Variants in POU2F1 observed in about 807,000 individuals in gnomAD.
POU2F1 encodes POU domain, class 2, transcription factor 1.
POU2F1 carries 16 observed loss-of-function variants against 84.9 expected under a neutral mutation model. That is an observed-to-expected ratio of 0.19 (90% CI 0.13 to 0.29). POU2F1 has a LOEUF of 0.29. POU2F1 is among the 10% of genes least tolerant of loss of function. POU2F1 has a pLI of 1.00. For synonymous variants in POU2F1, 368 were observed against 368.3 expected (o/e 1.00, Z 0.01); for missense variants, 738 against 942.6 (o/e 0.78, Z 2.84).
At chr1:167,304,385 A>G (rs1170638228) in intron 1 of POU2F1, among the ~76,000 whole-genome samples, 2 of 152,208 alleles carry the variant, frequency 1.3e-5, no homozygotes, top group Non-Finnish European at 1.5e-5. Context: ...TCAGAAAGGC[A>G]GTCATATAGC....
chr1:167,356,040 C>T lies in POU2F1; in HGVS notation c.128-9427C>T, dbSNP rs141954290. ...ATGGCTCACTGCAGCCTCGACTTCC[C>T]TCAGATCAGGTGATCCTCCCACCTC... On this transcript the variant is annotated intron_variant, in intron 2 of 15. Transcript: ENST00000367866. Among the ~76,000 whole-genome samples the T allele has an allele frequency of 1.8e-3, 270 of 152,060 alleles. 6 individuals are homozygous for T. The highest frequency in any genetic ancestry group is 0.014 in the Admixed American group (218 of 15,288).
chr1:167,415,397 G>T, intron 15 of POU2F1, 103 bp from the exon 16 acceptor site: 3 of 1,286,550 alleles, frequency 2.3e-6, no homozygotes, highest in Middle Eastern at 1.9e-4. Context: ...CTTTTTCCTG[G>T]TGGGTTGTAG....
chr1:167,237,867 C>T (rs1456884450), intron 1 of POU2F1, among the ~76,000 whole-genome samples: 2 of 146,718 alleles, frequency 1.4e-5, no homozygotes, highest in South Asian at 2.2e-4. Flanking sequence ...TCAGCTTCCA[C>T]CTCCAGGGTT....
At chr1:167,235,774 G>A (rs529068404) in intron 1 of POU2F1, among the ~76,000 whole-genome samples, 4 of 152,070 alleles carry the variant, frequency 2.6e-5, no homozygotes, top group African/African-American at 7.2e-5. Flanking sequence ...CATATTCTTT[G>A]CAGTAACTTG....
At chr1:167,384,745 C>T (rs1647832349) in intron 8 of POU2F1, among the ~76,000 whole-genome samples, 1 of 151,660 alleles carries the variant, frequency 6.6e-6, no homozygotes, top group Middle Eastern at 3.4e-3. Flanking sequence ...AAAAAACCAA[C>T]ATCATACTTC....
intron 2 of POU2F1, among the ~76,000 whole-genome samples, chr1:167,343,316 A>G (rs1307657667): frequency 1.3e-5 from 2 of 152,208 alleles, no homozygotes; most frequent in Non-Finnish European, 2.9e-5. Flanking sequence ...TAAAGGTAGT[A>G]TCCATTTTTG....
chr1:167,333,442 G>T (rs1313194818), intron 2 of POU2F1, among the ~76,000 whole-genome samples: 1 of 152,130 alleles, frequency 6.6e-6, no homozygotes. Flanking sequence ...TGCAGAGAGG[G>T]ATCCCTTTTG....
rs558782490 is a variant in POU2F1, at chr1:167,396,597, G to A, written c.1129+170G>A. On this transcript the variant is annotated intron_variant, in intron 10 of 15. Transcript: ENST00000367866. Reference sequence around the variant, plus strand: ...TTATGGTGATATAAATCAGAAAGCTGATTCATTTAAATATTCTAGTAATTA... The same window carrying A: ...TTATGGTGATATAAATCAGAAAGCTAATTCATTTAAATATTCTAGTAATTA... 4.5e-6 allele frequency: 3 copies of A among 659,642 alleles called. No homozygotes were observed. In the East Asian group the frequency reaches 8.5e-5, roughly 19 times the overall value. 40.9% of individuals were successfully genotyped at this position (659,642 alleles called of 1,614,324 possible).
At chr1:167,370,306 T>C in intron 4 of POU2F1, 92 bp downstream of exon 4, 1 of 999,384 alleles carries the variant, frequency 1.0e-6, no homozygotes, top group South Asian at 2.2e-5. Context: ...TAGGAAATGC[T>C]TAGAAGTATT....
At chr1:167,410,509 GTTA>G (rs143839688) in intron 13 of POU2F1, among the ~76,000 whole-genome samples, 1 of 128,838 alleles carries the variant, frequency 7.8e-6, no homozygotes, top group African/African-American at 4.9e-5. Context: ...ACCAAAAAAT[GTTA>G]TTATTATTAT....
At chr1:167,237,108 T>C (rs1649517699) in intron 1 of POU2F1, among the ~76,000 whole-genome samples, 1 of 152,168 alleles carries the variant, frequency 6.6e-6, no homozygotes, top group African/African-American at 2.4e-5. Flanking sequence ...ATCTAACTTC[T>C]GAGTAGAGAT....
At chr1:167,280,843 C>CGTTT (rs1402378468) in intron 1 of POU2F1, among the ~76,000 whole-genome samples, 3 of 152,030 alleles carry the variant, frequency 2.0e-5, no homozygotes, top group African/African-American at 7.3e-5. Context: ...ATGCCAAAGG[C>CGTTT]GTTTATTAAG....
chr1:167,302,882 C>T (rs997627443), intron 1 of POU2F1, among the ~76,000 whole-genome samples: 2 of 152,164 alleles, frequency 1.3e-5, no homozygotes, highest in Admixed American at 6.5e-5. Flanking sequence ...TGAATTCTAT[C>T]GATGAGGATT....
intron 1 of POU2F1, among the ~76,000 whole-genome samples, chr1:167,315,163 T>C (rs1655796431): frequency 6.6e-6 from 1 of 152,030 alleles, no homozygotes; most frequent in Admixed American, 6.5e-5. Context: ...TCTTATGCAT[T>C]ACCCAGCCTC....
chr1:167,324,067 T>G (rs1361214378), intron 1 of POU2F1, among the ~76,000 whole-genome samples: 1 of 152,114 alleles, frequency 6.6e-6, no homozygotes. Context: ...CTGTGAAAAT[T>G]AAGTTAAATG....
chr1:167,414,471 A>G, intron 15 of POU2F1: 1 of 985,500 alleles, frequency 1.0e-6, no homozygotes, highest in Non-Finnish European at 1.2e-6. Context: ...TTTATGTAAG[A>G]AATCAAATGT....
In POU2F1 at chr1:167,398,105, G is replaced by A. The variant is rs977999807; in HGVS notation, c.1241G>A (p.Arg414His). The change falls in exon 11 of 16, where the codon CGT becomes CAT. Residue 414 changes from arginine to histidine, a missense_variant. Transcript: ENST00000367866. ...KKRTSIETNI[R>H]VALEKSFLEN... ...CGCACCAGCATAGAGACCAACATCC[G>A]TGTGGCCTTAGAGAAGAGTTTCTTG... 4 of 1,613,998 alleles carry A rather than the reference G, an allele frequency of 2.5e-6. No homozygotes were observed. Among genetic ancestry groups the A allele is most frequent in the African/African-American group, 1.3e-5 (1 of 75,032 alleles).
chr1:167,308,767 C>T (rs1423801910), intron 1 of POU2F1, among the ~76,000 whole-genome samples: 1 of 152,136 alleles, frequency 6.6e-6, no homozygotes, highest in East Asian at 1.9e-4. Context: ...GATCCATCTG[C>T]CTAGGCCTCC....
intron 1 of POU2F1, among the ~76,000 whole-genome samples, chr1:167,331,861 T>C (rs1399162261): frequency 3.3e-5 from 5 of 152,096 alleles, no homozygotes; most frequent in Non-Finnish European, 7.4e-5. Flanking sequence ...TGCCTTACGG[T>C]ACAACTTCTT....
Sources: gnomAD v4.1 joint callset for allele counts (sites outside exome capture counted in the v4.1 genomes callset) on GRCh38, gnomAD v4.1.1 for gene constraint, MANE v1.5 for transcripts, NCBI Gene and HGNC (gene_info 2026-07-23, HGNC 2026-07-21) for gene names.